The following CFH variants were observed in gnomAD, a reference collection of about 807,000 sequenced individuals.
CFH encodes H factor 1 (complement).
CFH carries 53 observed loss-of-function variants against 147.3 expected under a neutral mutation model. The ratio of observed to expected loss-of-function variants is 0.36; its 90% CI spans 0.29 to 0.45. The LOEUF is 0.45. Ranked by LOEUF, CFH falls within the 20% of genes least tolerant of loss-of-function variation. The probability of loss-of-function intolerance (pLI) is 1.00; values close to 1 mark genes in which losing one functional copy is unlikely to be tolerated. For synonymous variants in CFH, 536 were observed against 489.4 expected, an observed-to-expected ratio of 1.10 and a Z score of -1.26; for missense variants, 1,380 against 1,498.0, an observed-to-expected ratio of 0.92 and a Z score of 1.30.
At chr1:196,710,314 C>A (rs1275535223) in intron 9 of CFH, among the ~76,000 whole-genome samples, 2 of 152,060 alleles carry the variant, frequency 1.3e-5, no homozygotes, top group Non-Finnish European at 2.9e-5. Flanking sequence ...TGCTGCAAAC[C>A]CTACTGTCTC....
At chr1:196,712,341 G>C (rs1668741056) in intron 9 of CFH, among the ~76,000 whole-genome samples, 1 of 151,238 alleles carries the variant, frequency 6.6e-6, no homozygotes, top group African/African-American at 2.4e-5. Context: ...GCTGGATTTT[G>C]TCTGGTTTCT....
chr1:196,656,409 G>A (rs940292564), intron 1 of CFH, among the ~76,000 whole-genome samples: 2 of 151,948 alleles, frequency 1.3e-5, no homozygotes, highest in African/African-American at 4.8e-5. Context: ...AGGACACATA[G>A]GTCAGATGTA....
intron 1 of CFH, 94 bp downstream of exon 1, chr1:196,652,269 A>T (rs1666527257): frequency 1.0e-6 from 1 of 990,934 alleles, no homozygotes; most frequent in Non-Finnish European, 1.6e-6. Context: ...GATTTAGAAA[A>T]TGTGCTTAAG....
intron 11 of CFH, among the ~76,000 whole-genome samples, chr1:196,721,267 T>C (rs1422512337): frequency 2.0e-5 from 3 of 151,974 alleles, no homozygotes; most frequent in East Asian, 3.9e-4. Context: ...GTTTACTCTG[T>C]TTATTATTTC....
At chr1:196,710,230 T>C (rs1029369290) in intron 9 of CFH, among the ~76,000 whole-genome samples, 2 of 152,180 alleles carry the variant, frequency 1.3e-5, no homozygotes, top group African/African-American at 4.8e-5. Context: ...TAGCCCCTTC[T>C]CAGAACAGAT....
intron 9 of CFH, among the ~76,000 whole-genome samples, chr1:196,705,149 A>G (rs751469023): frequency 2.0e-5 from 3 of 152,224 alleles, no homozygotes; most frequent in Admixed American, 6.5e-5. Flanking sequence ...ACGGCATATT[A>G]GAAGCCAGCA....
At chr1:196,731,573 C>G (rs1669281080) in intron 15 of CFH, among the ~76,000 whole-genome samples, 1 of 151,982 alleles carries the variant, frequency 6.6e-6, no homozygotes, top group African/African-American at 2.4e-5. Context: ...TCATATTGTG[C>G]TTACTTTTAC....
chr1:196,707,348 C>T (rs1000914440), intron 9 of CFH, among the ~76,000 whole-genome samples: 1 of 152,128 alleles, frequency 6.6e-6, no homozygotes, highest in Non-Finnish European at 1.5e-5. Context: ...ATAACATACA[C>T]ATAAATAAAT....
At chr1:196,700,936 C>A in intron 9 of CFH, 2 of 854,950 alleles carry the variant, frequency 2.3e-6, no homozygotes, top group South Asian at 5.3e-5. Context: ...CCATTTCCTT[C>A]TGTGTGTGTG....
chr1:196,657,542 T>A (rs556486944), intron 1 of CFH, among the ~76,000 whole-genome samples: 1 of 152,320 alleles, frequency 6.6e-6, no homozygotes, highest in Non-Finnish European at 1.5e-5. Context: ...ATGTGCAGAT[T>A]TTGGCCTGTG....
At chr1:196,720,176 A>G (rs1668966364) in intron 11 of CFH, among the ~76,000 whole-genome samples, 1 of 151,918 alleles carries the variant, frequency 6.6e-6, no homozygotes, top group African/African-American at 2.4e-5. Flanking sequence ...AATGACAGAT[A>G]TTATACCATC....
chr1:196,720,822 G>A (rs1394065178), intron 11 of CFH, among the ~76,000 whole-genome samples: 1 of 151,890 alleles, frequency 6.6e-6, no homozygotes, highest in African/African-American at 2.4e-5. Context: ...TAGATACACA[G>A]TAGTGGGATT....
At chr1:196,731,499 G>A (rs908543118) in intron 15 of CFH, among the ~76,000 whole-genome samples, 1 of 151,776 alleles carries the variant, frequency 6.6e-6, no homozygotes, top group African/African-American at 2.4e-5. Context: ...TACCACTTTT[G>A]CCTTTTAACC....
chr1:196,680,127 C>T (rs979525907), intron 6 of CFH, among the ~76,000 whole-genome samples: 3 of 151,696 alleles, frequency 2.0e-5, no homozygotes, highest in Non-Finnish European at 2.9e-5. Context: ...AAGTAGATTG[C>T]TCCACTAATG....
At position 196,675,984 on chromosome 1, in the gene CFH, T is replaced by C. The variant is rs2149079722; in HGVS notation, c.351-5T>C. 6.2e-7 allele frequency: 1 copy of C among 1,604,836 alleles called. No homozygotes were observed. Among genetic ancestry groups the C allele is most frequent in the Middle Eastern group, 1.7e-4 (1 of 6,032 alleles). ...GTCAACGTTCTGTTATTTTTTGGTT[T>C]TCAGGTATCAATTGCTAGGTGAGAT... On this transcript the variant is annotated splice_polypyrimidine_tract_variant and splice_region_variant and intron_variant, in intron 3 of 21. Transcript: ENST00000367429.
chr1:196,679,137 A>ATT (rs200429765), intron 5 of CFH: 57 of 149,004 alleles, frequency 3.8e-4, no homozygotes, highest in Middle Eastern at 3.5e-3. Context: ...GATGATGGCC[A>ATT]TTTTTTTTTT....
intron 1 of CFH, among the ~76,000 whole-genome samples, chr1:196,662,691 G>T (rs1666948694): frequency 6.6e-6 from 1 of 151,976 alleles, no homozygotes; most frequent in African/African-American, 2.4e-5. Context: ...AGACCAGCCT[G>T]GGCAAAACGG....
At chr1:196,719,728 A>T (rs1668955105) in intron 11 of CFH, among the ~76,000 whole-genome samples, 3 of 151,606 alleles carry the variant, frequency 2.0e-5, no homozygotes, top group African/African-American at 7.2e-5. Context: ...TGTAAGAGAT[A>T]ATTTTACACA....
Position 196,692,744 on chromosome 1 carries a change from CTTTTTCTTTCTTTCTTTCTT to C in CFH, c.1336+2507_1336+2526del, listed in dbSNP as rs1208575805. ...TCTTTCTTTCTCTTTCCCTTCCTTTCTTTTTCTTTCTTTCTTTCTTTCTTTCTTTCTTTCTTTCTTTCTTT... is the reference window on the plus strand; with the variant it reads ...TCTTTCTTTCTCTTTCCCTTCCTTTCTCTTTCTTTCTTTCTTTCTTTCTTT... On this transcript the variant is annotated intron_variant, in intron 9 of 21. Transcript: ENST00000367429. Among the ~76,000 whole-genome samples the C allele has an allele frequency of 1.9e-3, 248 of 131,544 alleles. 10 individuals carry two copies. Among genetic ancestry groups the C allele is most frequent in the Non-Finnish European group, 3.3e-3 (203 of 61,624 alleles). The allele number at this position is 131,544 out of a possible 152,430, so 86.3% of individuals were successfully genotyped here.
Sources: allele counts gnomAD v4.1 joint callset (sites outside exome capture counted in the v4.1 genomes callset), GRCh38; gene constraint gnomAD v4.1.1; transcripts MANE v1.5; gene names NCBI Gene and HGNC (gene_info 2026-07-23, HGNC 2026-07-21).